Variants in STT3A observed in about 807,000 individuals in gnomAD.
The protein encoded by STT3A is STT3 oligosaccharyltransferase complex catalytic subunit A, also known as dolichyl-diphosphooligosaccharide--protein glycosyltransferase subunit STT3A.
In STT3A, 34 loss-of-function variants were observed where a neutral mutation model predicts 89.2. The observed-to-expected ratio is 0.38, with a 90% CI of 0.29 to 0.51. The LOEUF (loss-of-function observed/expected upper bound fraction) is 0.51, where lower values mean the gene tolerates loss of function less well. Ranked by LOEUF, STT3A falls within the 20% of genes least tolerant of loss-of-function variation. STT3A has a pLI of 0.89. For synonymous variants in STT3A, 282 were observed against 310.3 expected, an observed-to-expected ratio of 0.91 and a Z score of 0.96; for missense variants, 555 against 889.5, an observed-to-expected ratio of 0.62 and a Z score of 4.78.
At chr11:125,593,373 T>C (rs1320415662) in intron 1 of STT3A, 1 of 152,548 alleles carries the variant, frequency 6.6e-6, no homozygotes, top group Admixed American at 6.6e-5. Context: ...TCTGGGAAAC[T>C]AGAGGCAGGG....
chr11:125,608,424 C>G, intron 9 of STT3A, 135 bp downstream of exon 9: 1 of 875,662 alleles, frequency 1.1e-6, no homozygotes, highest in South Asian at 2.0e-5. Flanking sequence ...AAGCGATTCT[C>G]CTGCCTCAGC....
At chr11:125,595,791 G>A (rs560553008) in intron 1 of STT3A, 90 bp from the exon 2 acceptor site, 152 of 690,718 alleles carry the variant, frequency 2.2e-4, no homozygotes, top group Middle Eastern at 3.1e-4. Context: ...TAGCTCCTAC[G>A]TCCTTTATGA....
chr11:125,615,805 C>G (rs1442504296), intron 15 of STT3A, among the ~76,000 whole-genome samples: 2 of 152,134 alleles, frequency 1.3e-5, no homozygotes, highest in Non-Finnish European at 1.5e-5. Context: ...AATCTGAGCA[C>G]TTTGGGAAGA....
rs757224513 is a variant in STT3A at position 125,604,064 on chromosome 11, G to A, written c.418-93G>A. 591 of 1,304,664 alleles carry A rather than the reference G, an allele frequency of 4.5e-4. 1 individual carries two copies. The highest frequency in any genetic ancestry group is 5.9e-4 in the Non-Finnish European group (548 of 925,302). The allele number at this position is 1,304,664 out of a possible 1,614,324, so 80.8% of individuals were successfully genotyped here. A position where few individuals can be genotyped will look rare whatever the true frequency, so the allele number is the denominator to read the frequency against. ...CTTCGAAATTGTTGGACTGTTTTCT[G>A]GGCTCATTATAAACAGAATGGACTA... On this transcript the variant is annotated intron_variant, in intron 5 of 17. Coordinates refer to ENST00000392708, the MANE Select transcript of STT3A (RefSeq NM_152713.5).
intron 2 of STT3A, 45 bp from the exon 3 acceptor site, chr11:125,597,014 T>C (rs1415643286): frequency 1.3e-5 from 21 of 1,601,126 alleles, no homozygotes; most frequent in Admixed American, 3.3e-5. Context: ...TGCTGTTCTT[T>C]CATGGCACAT....
rs1485174449 is a variant in STT3A, at chr11:125,621,639, G to A, written c.*829G>A. 1 of 152,130 alleles carries A rather than the reference G, an allele frequency of 6.6e-6. No individual in the cohort carries two copies. Among genetic ancestry groups the A allele is most frequent in the Non-Finnish European group, 1.5e-5 (1 of 68,020 alleles). 9.4% of individuals were successfully genotyped at this position (152,130 alleles called of 1,614,324 possible). A position where few individuals can be genotyped will look rare whatever the true frequency, so the allele number is the denominator to read the frequency against. ...TGACCCTTTACTCAAAACTCTTGTGGTTGTTCAAAGGTGAGCTTCTTTTTC... is the reference window on the plus strand; with the variant it reads ...TGACCCTTTACTCAAAACTCTTGTGATTGTTCAAAGGTGAGCTTCTTTTTC... On this transcript the variant is annotated 3_prime_UTR_variant, in exon 18 of 18. Transcript: ENST00000392708.
intron 8 of STT3A, among the ~76,000 whole-genome samples, chr11:125,607,750 G>A (rs1299350257): frequency 6.6e-6 from 1 of 152,202 alleles, no homozygotes; most frequent in Non-Finnish European, 1.5e-5. Flanking sequence ...AACATAGAGA[G>A]GAGTGATTGA....
Position 125,613,925 on chromosome 11 carries a change from G to A in STT3A, c.1555-162G>A, listed in dbSNP as rs1273727035. 3 of 639,164 alleles carry A rather than the reference G, an allele frequency of 4.7e-6. No individual in the cohort carries two copies. The African/African-American group carries it at 5.5e-5, about 12-fold the overall frequency. 39.6% of individuals were successfully genotyped at this position (639,164 alleles called of 1,614,324 possible). On this transcript the variant is annotated intron_variant, in intron 13 of 17. Transcript: ENST00000392708. This position sits in a 1 kb window ranked among gnomAD's most constrained non-coding sequence, Gnocchi z 4.2. ...ATAATTGTATATAAATGGAAGACCA[G>A]GTGCCAGGATTTATTTTCTGGTTTG...
At position 125,608,214 on chromosome 11, in the gene STT3A, G is replaced by A. The variant is rs1421806498; in HGVS notation, c.886G>A (p.Glu296Lys). Residue 296 changes from glutamate to lysine, a missense_variant, in exon 9 of 18, where the codon GAA becomes AAA. Coordinates refer to ENST00000392708, the MANE Select transcript of STT3A (RefSeq NM_152713.5). ...CAGCAAGTTGAATCCACAACAATTTGAAGTTCTTTTCCGGAGCGTCATCTC... is the reference window on the plus strand; with the variant it reads ...CAGCAAGTTGAATCCACAACAATTTAAAGTTCTTTTCCGGAGCGTCATCTC... ...LRSKLNPQQF[E>K]VLFRSVISLV... 6.2e-7 allele frequency: 1 copy of A among 1,614,188 alleles called. No homozygotes were observed. Among genetic ancestry groups the A allele is most frequent in the Admixed American group, 1.7e-5 (1 of 60,020 alleles).
intron 11 of STT3A, among the ~76,000 whole-genome samples, chr11:125,612,209 T>C (rs1195450109): frequency 6.6e-6 from 1 of 152,308 alleles, no homozygotes; most frequent in African/African-American, 2.4e-5. Flanking sequence ...CATCTCTAGA[T>C]TGTAATACTA....
chr11:125,606,064 T>G, intron 7 of STT3A: 1 of 499,166 alleles, frequency 2.0e-6, no homozygotes, highest in Non-Finnish European at 3.5e-6. Context: ...TTGAACTTGA[T>G]TTTATATTTT....
chr11:125,603,781 A>G lies in STT3A; in HGVS notation c.418-376A>G, dbSNP rs562024994. Among the ~76,000 whole-genome samples, 12 of 152,262 alleles carry G rather than the reference A, an allele frequency of 7.9e-5. No individual in the cohort carries two copies. In the South Asian group the frequency reaches 2.1e-3, roughly 26 times the overall value. On this transcript the variant is annotated intron_variant, in intron 5 of 17. Transcript: ENST00000392708. ...ATTTTCTTCCTTTGATTGTCCTTGC[A>G]TGGCTTTTAGAGGTGTGACTGGTGT...
chr11:125,601,185 A>T lies in STT3A; in HGVS notation c.150-1118A>T, dbSNP rs567192022. Among the ~76,000 whole-genome samples, 10 of 152,356 alleles carry T rather than the reference A, an allele frequency of 6.6e-5. No homozygotes were observed. In the East Asian group the frequency reaches 1.9e-3, roughly 29 times the overall value. On this transcript the variant is annotated intron_variant, in intron 3 of 17. Coordinates refer to ENST00000392708, the MANE Select transcript of STT3A (RefSeq NM_152713.5). ...TAAAAGTTTAAACACTGATTAAGAA[A>T]GTTGTGTTATGAAGTAGGTTAAAAT...
chr11:125,611,963 C>T (rs150169892), intron 11 of STT3A, among the ~76,000 whole-genome samples: 9 of 144,044 alleles, frequency 6.2e-5, no homozygotes, highest in African/African-American at 2.3e-4. Flanking sequence ...CCACAACTGC[C>T]GCCTGCTGGG....
intron 6 of STT3A, among the ~76,000 whole-genome samples, chr11:125,604,576 A>C (rs1939780740): frequency 1.3e-5 from 2 of 152,222 alleles, no homozygotes; most frequent in Admixed American, 6.5e-5. Flanking sequence ...ACTTATTCTC[A>C]ATTCAACATA....
rs1939481013 is a variant in STT3A at position 125,595,930 on chromosome 11, A to G, written c.15A>G (p.Gly5=). 2 of 1,613,254 alleles carry G rather than the reference A, an allele frequency of 1.2e-6. No individual in the cohort carries two copies. Among genetic ancestry groups the G allele is most frequent in the South Asian group, 2.2e-5 (2 of 90,938 alleles). Residue 5 remains glycine, a synonymous_variant, in exon 2 of 18, where the codon GGA becomes GGG. Coordinates refer to ENST00000392708, the MANE Select transcript of STT3A (RefSeq NM_152713.5). Reference sequence around the variant, plus strand: ...TTCATGTCAAGATGACTAAGTTTGGATTTTTGCGATTGTCCTATGAGAAGC... The same window carrying G: ...TTCATGTCAAGATGACTAAGTTTGGGTTTTTGCGATTGTCCTATGAGAAGC... MTKF[G]FLRLSYEKQD... is the part of the protein sequence containing the mutation.
At chr11:125,600,479 A>C (rs1235946044) in intron 3 of STT3A, among the ~76,000 whole-genome samples, 1 of 151,914 alleles carries the variant, frequency 6.6e-6, no homozygotes, top group Non-Finnish European at 1.5e-5. Context: ...CTCTTATTTC[A>C]GCCTCCTGAG....
rs1028402953 is a variant in STT3A at position 125,621,090 on chromosome 11, C to T, written c.*280C>T. 6.4e-6 allele frequency: 2 copies of T among 313,212 alleles called. No homozygotes were observed. Among genetic ancestry groups the T allele is most frequent in the Non-Finnish European group, 1.2e-5 (2 of 170,710 alleles). 19.4% of individuals were successfully genotyped at this position (313,212 alleles called of 1,614,324 possible). The stretch of plus-strand genomic sequence containing the variant: ...GTGCCTTATTTGTTTTGACTTATAA[C>T]TGATTTGAGGGAGGCAAAAGCTATG... On this transcript the variant is annotated 3_prime_UTR_variant, in exon 18 of 18. Transcript: ENST00000392708.
chr11:125,592,610 C>T (rs1454251668), upstream of STT3A: 1 of 400,766 alleles, frequency 2.5e-6, no homozygotes, highest in Non-Finnish European at 5.0e-6. Flanking sequence ...GCTTGGGGCA[C>T]GTTCTTTCCG....
Sources: gnomAD v4.1 joint callset for allele counts (sites outside exome capture counted in the v4.1 genomes callset) on GRCh38, gnomAD v4.1.1 for gene constraint, Gnocchi (gnomAD v3.1) non-coding constraint, MANE v1.5 for transcripts, NCBI Gene and HGNC (gene_info 2026-07-23, HGNC 2026-07-21) for gene names.